TP73: variants seen among roughly 807,000 people sequenced by gnomAD.
The protein encoded by TP73 is tumor protein p73, also known as p53-like transcription factor.
In TP73, 25 loss-of-function variants were observed where a neutral mutation model predicts 62.5. The observed-to-expected ratio is 0.40, with a 90% confidence interval of 0.29 to 0.56. The LOEUF (loss-of-function observed/expected upper bound fraction) is 0.56, where lower values mean the gene tolerates loss of function less well. Among genes scored for constraint, TP73 ranks in the 20% least tolerant of loss-of-function variants. The pLI, the probability that TP73 is intolerant of heterozygous loss-of-function variation, is 0.46. For synonymous variants in TP73, 423 were observed against 377.5 expected (o/e 1.12, Z -1.40); for missense variants, 754 against 913.3 (o/e 0.83, Z 2.25).
intron 1 of TP73, among the ~76,000 whole-genome samples, chr1:3,667,165 C>T (rs1645137413): frequency 6.6e-6 from 1 of 152,134 alleles, no homozygotes; most frequent in African/African-American, 2.4e-5. Context: ...GGGATTGTCC[C>T]AGGGCCTCCA....
rs959197238 is a variant in TP73, at chr1:3,663,787, G to A, written c.-34+11146G>A. ...GAAGGCTCTGATCTTCCTTTCTTCT[G>A]GGTCTAGGGCACATGAGGGTCTGTG... On this transcript the variant is annotated intron_variant, in intron 1 of 13. Coordinates refer to ENST00000378295, the MANE Select transcript of TP73 (RefSeq NM_005427.4). The surrounding 1 kb of genome is among the most constrained non-coding windows in gnomAD (Gnocchi z 4.7). Among the ~76,000 whole-genome samples the A allele has an allele frequency of 6.6e-6, 1 of 152,178 alleles. No homozygotes were observed. Among genetic ancestry groups the A allele is most frequent in the Non-Finnish European group, 1.5e-5 (1 of 68,028 alleles).
chr1:3,728,355 TC>T, intron 9 of TP73, 138 bp downstream of exon 9: 2 of 833,800 alleles, frequency 2.4e-6, no homozygotes, highest in Non-Finnish European at 3.7e-6. Flanking sequence ...TGTGAGAGGG[TC>T]CAGAGGGCAG....
chr1:3,688,994 G>A (rs947341083), intron 3 of TP73, among the ~76,000 whole-genome samples: 8 of 152,152 alleles, frequency 5.3e-5, no homozygotes, highest in Non-Finnish European at 1.0e-4. Context: ...AGAGGACACC[G>A]CCTACAGAGG....
intron 3 of TP73, chr1:3,691,026 C>T: frequency 1.3e-6 from 2 of 1,535,892 alleles, no homozygotes; most frequent in Non-Finnish European, 1.8e-6. Flanking sequence ...AGAGGGGCAT[C>T]CTTCTGCCTG....
intron 1 of TP73, among the ~76,000 whole-genome samples, chr1:3,654,364 C>T (rs1354665978): frequency 1.3e-5 from 2 of 152,138 alleles, no homozygotes; most frequent in Middle Eastern, 3.4e-3. Flanking sequence ...AAAGCTACAG[C>T]GAACAGTAGC....
rs541225203 is a variant in TP73 at position 3,715,571 on chromosome 1, G to T, written c.430-6450G>T. On this transcript the variant is annotated intron_variant, in intron 4 of 13. Transcript: ENST00000378295. ...ACCTCCCAGGGCCAAGGTCAGGTGA[G>T]GGCCCCGCGCAGGGCAGGCACCAGT... 2.0e-5 allele frequency among the ~76,000 whole-genome samples: 3 copies of T among 152,152 alleles called. No homozygotes were observed. In the South Asian group the frequency reaches 6.2e-4, roughly 31 times the overall value.
rs746632159 is a variant in TP73, at chr1:3,670,800, G to A, written c.-33-11533G>A. On this transcript the variant is annotated intron_variant, in intron 1 of 13. Coordinates refer to ENST00000378295, the MANE Select transcript of TP73 (RefSeq NM_005427.4). This position sits in a 1 kb window ranked among gnomAD's most constrained non-coding sequence, Gnocchi z 5.9. ...CTCTGTTCCTGTCCTGACCTGACCT[G>A]CTGGGCCCCGCCCGCTCAAACCAAA... 7.9e-5 allele frequency among the ~76,000 whole-genome samples: 12 copies of A among 152,246 alleles called. No individual in the cohort carries two copies. Among genetic ancestry groups the A allele is most frequent in the Non-Finnish European group, 1.6e-4 (11 of 68,050 alleles).
intron 4 of TP73, among the ~76,000 whole-genome samples, chr1:3,709,198 C>T (rs1342274716): frequency 6.6e-6 from 1 of 152,166 alleles, no homozygotes; most frequent in African/African-American, 2.4e-5. Context: ...GCCACGGGCT[C>T]CCCCAGCTGC....
At chr1:3,728,291 A>G (rs1032160597) in intron 9 of TP73, 74 bp downstream of exon 9, 7 of 1,487,154 alleles carry the variant, frequency 4.7e-6, no homozygotes, top group Non-Finnish European at 6.5e-6. Flanking sequence ...AGGCTGGGCC[A>G]TGGGGAGGGA....
At chr1:3,700,464 G>C (rs970680135) in intron 3 of TP73, among the ~76,000 whole-genome samples, 4 of 152,036 alleles carry the variant, frequency 2.6e-5, no homozygotes, top group Admixed American at 2.6e-4. Flanking sequence ...GACTAGGGGG[G>C]AACAGGGACA....
intron 5 of TP73, among the ~76,000 whole-genome samples, chr1:3,722,438 G>A (rs1440558328): frequency 1.3e-5 from 2 of 152,232 alleles, no homozygotes; most frequent in Non-Finnish European, 2.9e-5. Flanking sequence ...AGTCTGAGGG[G>A]CAGCGGCCTT....
At chr1:3,659,682 T>C (rs1334669460) in intron 1 of TP73, among the ~76,000 whole-genome samples, 3 of 152,100 alleles carry the variant, frequency 2.0e-5, no homozygotes, top group Admixed American at 2.0e-4. Context: ...AAGATTATTA[T>C]TATTATTATT....
intron 1 of TP73, among the ~76,000 whole-genome samples, chr1:3,655,812 T>C (rs1644852606): frequency 6.6e-6 from 1 of 152,224 alleles, no homozygotes; most frequent in African/African-American, 2.4e-5. Context: ...GTTTGCCTTC[T>C]TAAGTGGGTT....
chr1:3,706,074 A>G (rs939144380), intron 3 of TP73, among the ~76,000 whole-genome samples: 1 of 152,016 alleles, frequency 6.6e-6, no homozygotes, highest in Admixed American at 6.5e-5. Flanking sequence ...AGCACACCAC[A>G]GCTTCTCTAA....
At chr1:3,722,268 G>T in intron 5 of TP73, 61 bp downstream of exon 5, 1 of 1,577,694 alleles carries the variant, frequency 6.3e-7, no homozygotes. Context: ...GGACAGCACA[G>T]CCGGGGGCTG....
Position 3,701,502 on chromosome 1 carries a change from AT to A in TP73, c.187-6044del, listed in dbSNP as rs1639165583. Among the ~76,000 whole-genome samples, 1 of 151,764 alleles carries A rather than the reference AT, an allele frequency of 6.6e-6. No homozygotes were observed. The highest frequency in any genetic ancestry group is 2.4e-5 in the African/African-American group (1 of 41,292). ...CAACCATCCTACGAAGTCCACGTTG[AT>A]TTCTTTTTTGGTTTTTTTCGAGACA... On this transcript the variant is annotated intron_variant, in intron 3 of 13. Transcript: ENST00000378295. This position sits in a 1 kb window ranked among gnomAD's most constrained non-coding sequence, Gnocchi z 4.7.
chr1:3,686,900 C>G (rs187884743), intron 3 of TP73, among the ~76,000 whole-genome samples: 1 of 152,176 alleles, frequency 6.6e-6, no homozygotes, highest in African/African-American at 2.4e-5. Flanking sequence ...AAGTCACCCA[C>G]GATGTGAGGA....
At chr1:3,700,218 G>A (rs939679664) in intron 3 of TP73, among the ~76,000 whole-genome samples, 3 of 151,986 alleles carry the variant, frequency 2.0e-5, no homozygotes, top group Non-Finnish European at 4.4e-5. Context: ...CTCCGCTGGA[G>A]GAGTCAGCCA....
At chr1:3,703,395 T>A (rs573100524) in intron 3 of TP73, among the ~76,000 whole-genome samples, 1 of 152,232 alleles carries the variant, frequency 6.6e-6, no homozygotes, top group Admixed American at 6.5e-5. Flanking sequence ...AGGAAGGCCC[T>A]GCTAAGGGAG....
Sources: gnomAD v4.1 joint callset for allele counts (sites outside exome capture counted in the v4.1 genomes callset) on GRCh38, gnomAD v4.1.1 for gene constraint, Gnocchi (gnomAD v3.1) non-coding constraint, MANE v1.5 for transcripts, NCBI Gene and HGNC (gene_info 2026-07-23, HGNC 2026-07-21) for gene names.